LUC7L2: variants seen among roughly 807,000 people sequenced by gnomAD.
The protein encoded by LUC7L2 is LUC7 like 2, pre-mRNA splicing factor, also known as putative RNA-binding protein Luc7-like 2.
A neutral mutation model predicts 52.8 loss-of-function variants in LUC7L2; 25 were observed. That is an observed-to-expected ratio of 0.47 (90% CI 0.34 to 0.66). LUC7L2 has a LOEUF of 0.66. Among genes scored for constraint, LUC7L2 ranks in the 30% least tolerant of loss-of-function variants. The probability of loss-of-function intolerance (pLI) is 0.01; values close to 1 mark genes in which losing one functional copy is unlikely to be tolerated. For synonymous variants in LUC7L2, 144 were observed against 160.9 expected (o/e 0.89, Z 0.80); for missense variants, 328 against 497.8 (o/e 0.66, Z 3.25).
intron 2 of LUC7L2, 132 bp from the exon 3 acceptor site, chr7:139,398,467 T>C (rs944438582): frequency 5.1e-6 from 3 of 583,724 alleles, no homozygotes; most frequent in Non-Finnish European, 8.0e-6. Context: ...TATGAAATTT[T>C]GTAATTTGGA....
chr7:139,419,686 T>C (rs1785498715), intron 9 of LUC7L2, among the ~76,000 whole-genome samples: 1 of 152,212 alleles, frequency 6.6e-6, no homozygotes, highest in African/African-American at 2.4e-5. Context: ...TGAGATTGTG[T>C]TATTTTAGTC....
chr7:139,352,248 G>A (rs1243791527), intron 1 of LUC7L2, among the ~76,000 whole-genome samples: 1 of 152,058 alleles, frequency 6.6e-6, no homozygotes, highest in Non-Finnish European at 1.5e-5. Flanking sequence ...CCAGCACTGT[G>A]GGAGGCTGAG....
intron 9 of LUC7L2, 59 bp downstream of exon 9, chr7:139,417,788 TTTACTTATG>T (rs1300687831): frequency 1.1e-5 from 17 of 1,550,014 alleles, no homozygotes; most frequent in Middle Eastern, 1.9e-4. Context: ...GTTGTTTATG[TTTACTTATG>T]TTACTTATGT....
chr7:139,349,940 A>G (rs1477213809), intron 1 of LUC7L2, among the ~76,000 whole-genome samples: 1 of 152,110 alleles, frequency 6.6e-6, no homozygotes, highest in Non-Finnish European at 1.5e-5. Context: ...CATCACCCCA[A>G]AAGGTTATCT....
intron 3 of LUC7L2, among the ~76,000 whole-genome samples, chr7:139,401,321 ATTTTC>A (rs1794905921): frequency 6.6e-6 from 1 of 151,998 alleles, no homozygotes; most frequent in Non-Finnish European, 1.5e-5. Context: ...TTTTTTCTGT[ATTTTC>A]TTTTTGTCCA....
At chr7:139,350,866 G>A (rs1374420401) in intron 1 of LUC7L2, among the ~76,000 whole-genome samples, 9 of 152,090 alleles carry the variant, frequency 5.9e-5, no homozygotes, top group African/African-American at 4.8e-5. Context: ...AGTAGAGATG[G>A]GGTTTCACCA....
intron 3 of LUC7L2, among the ~76,000 whole-genome samples, chr7:139,399,492 CAG>C (rs1393420135): frequency 7.2e-5 from 5 of 69,554 alleles, no homozygotes; most frequent in African/African-American, 2.2e-4. Context: ...TTTTTTGAGA[CAG>C]AGTCTCGCTC....
intron 9 of LUC7L2, among the ~76,000 whole-genome samples, chr7:139,421,212 A>T (rs1795890732): frequency 6.6e-6 from 1 of 152,216 alleles, no homozygotes. Context: ...AAAACTGAAC[A>T]GTCATATTTT....
At chr7:139,349,833 A>G (rs1214871607) in intron 1 of LUC7L2, among the ~76,000 whole-genome samples, 1 of 152,216 alleles carries the variant, frequency 6.6e-6, no homozygotes, top group Non-Finnish European at 1.5e-5. Flanking sequence ...AAATTTACAT[A>G]TAATAAATAT....
chr7:139,412,841 AAAAAAAAG>A (rs948067657), intron 8 of LUC7L2: 2 of 230,684 alleles, frequency 8.7e-6, no homozygotes, highest in African/African-American at 4.6e-5. Flanking sequence ...AAAAAAAAAA[AAAAAAAAG>A]AAAATTTTTT....
intron 1 of LUC7L2, chr7:139,375,089 T>C: frequency 1.0e-6 from 1 of 984,210 alleles, no homozygotes; most frequent in Non-Finnish European, 1.2e-6. Context: ...GGCTTATCAT[T>C]CTATATAGAA....
At chr7:139,397,203 C>G (rs1794697609) in intron 2 of LUC7L2, among the ~76,000 whole-genome samples, 3 of 152,314 alleles carry the variant, frequency 2.0e-5, no homozygotes, top group South Asian at 4.1e-4. Context: ...GATCTGCCTT[C>G]TAAATCTTCT....
upstream of LUC7L2, chr7:139,359,499 G>C (rs1799740466): frequency 8.9e-6 from 2 of 223,896 alleles, no homozygotes; most frequent in South Asian, 3.6e-4. Context: ...TTCGCCCCGA[G>C]CACGCCCACC....
At chr7:139,362,173 T>C (rs753269941) in intron 1 of LUC7L2, among the ~76,000 whole-genome samples, 7 of 152,092 alleles carry the variant, frequency 4.6e-5, no homozygotes, top group Non-Finnish European at 8.8e-5. Context: ...GTCCACAGTA[T>C]TGTTTAGCTG....
At position 139,405,622 on chromosome 7, in the gene LUC7L2, C is replaced by T. The variant is rs1795085725; in HGVS notation, c.367-22C>T. On this transcript the variant is annotated intron_variant, in intron 4 of 9. Coordinates refer to ENST00000354926, the MANE Select transcript of LUC7L2 (RefSeq NM_016019.5). Reference sequence around the variant, plus strand: ...ATTCATTCTCTTGTTTATTCATGATCTTCTTTTTTATTTCTTTTTAGGCAG... The same window carrying T: ...ATTCATTCTCTTGTTTATTCATGATTTTCTTTTTTATTTCTTTTTAGGCAG... 3 of 1,570,350 alleles carry T rather than the reference C, an allele frequency of 1.9e-6. No individual in the cohort carries two copies. In the African/African-American group the frequency reaches 4.1e-5, roughly 22 times the overall value.
At chr7:139,409,277 A>C (rs1795249761) in intron 6 of LUC7L2, among the ~76,000 whole-genome samples, 1 of 151,688 alleles carries the variant, frequency 6.6e-6, no homozygotes, top group Non-Finnish European at 1.5e-5. Flanking sequence ...TTCTGTCTCT[A>C]TTTTAAAATA....
chr7:139,376,722 T>C (rs1343923479), intron 2 of LUC7L2, among the ~76,000 whole-genome samples: 1 of 152,224 alleles, frequency 6.6e-6, no homozygotes, highest in Admixed American at 6.5e-5. Flanking sequence ...TGCATGATGA[T>C]GGACCTGTTG....
intron 1 of LUC7L2, chr7:139,345,420 T>G (rs1475329812): frequency 7.0e-6 from 11 of 1,562,584 alleles, no homozygotes; most frequent in Non-Finnish European, 9.5e-6. Context: ...TTCACTCTAG[T>G]GAATGCTTAT....
In LUC7L2 at chr7:139,399,449, A is replaced by ATTTTTTTTTTTTTTT. The variant is rs71169090; in HGVS notation, c.255+776_255+790dup. ...GGACATGCATATGGGTGTTTGGGGG[A>ATTTTTTTTTTTTTTT]TTTTTTTTTTTTTTTTTTTTTTTTT... On this transcript the variant is annotated intron_variant, in intron 3 of 9. Transcript: ENST00000354926. Among the ~76,000 whole-genome samples, 17 of 50,458 alleles carry ATTTTTTTTTTTTTTT rather than the reference A, an allele frequency of 3.4e-4. 1 individual carries two copies. The highest frequency in any genetic ancestry group is 1.6e-3 in the East Asian group (2 of 1,260). The allele number at this position is 50,458 out of a possible 152,430, so 33.1% of individuals were successfully genotyped here.
Sources: allele counts gnomAD v4.1 joint callset (sites outside exome capture counted in the v4.1 genomes callset), GRCh38; gene constraint gnomAD v4.1.1; transcripts MANE v1.5; gene names NCBI Gene and HGNC (gene_info 2026-07-23, HGNC 2026-07-21).